The following DLGAP2 variants were observed in gnomAD, a reference collection of about 807,000 sequenced individuals.
DLGAP2 encodes DLG associated protein 2.
Under a neutral mutation model 100.3 loss-of-function variants are expected in DLGAP2, and 26 were observed. The observed-to-expected ratio is 0.26, with a 90% confidence interval of 0.19 to 0.36. The LOEUF is 0.36. Ranked by LOEUF, DLGAP2 falls within the 10% of genes least tolerant of loss-of-function variation. DLGAP2 has a pLI of 1.00. For synonymous variants in DLGAP2, 886 were observed against 630.1 expected (o/e 1.41, Z -6.08); for missense variants, 1,858 against 1,453.2 (o/e 1.28, Z -4.53).
intron 2 of DLGAP2, among the ~76,000 whole-genome samples, chr8:1,149,210 A>G (rs926402011): frequency 6.6e-6 from 1 of 151,986 alleles, no homozygotes; most frequent in South Asian, 2.1e-4. Flanking sequence ...CAGTGGCGCA[A>G]TGTCGGCTCA....
chr8:1,683,054 A>AATG (rs1798999711), intron 12 of DLGAP2, among the ~76,000 whole-genome samples: 1 of 151,660 alleles, frequency 6.6e-6, no homozygotes, highest in Admixed American at 6.6e-5. Flanking sequence ...GATAGACAAA[A>AATG]ATGATGCAAC....
At chr8:870,363 T>G (rs1797574665) in intron 1 of DLGAP2, among the ~76,000 whole-genome samples, 1 of 152,176 alleles carries the variant, frequency 6.6e-6, no homozygotes, top group Admixed American at 6.5e-5. Flanking sequence ...TGACAGCTCT[T>G]AAAACCGGCA....
intron 3 of DLGAP2, among the ~76,000 whole-genome samples, chr8:1,311,703 T>TAA (rs71190721): frequency 2.5e-3 from 360 of 146,786 alleles, no homozygotes; most frequent in South Asian, 6.4e-3. Context: ...CTGTTCATGA[T>TAA]AAAAAAAAAA....
intron 3 of DLGAP2, among the ~76,000 whole-genome samples, chr8:1,476,672 ACCCACC>A (rs1798938843): frequency 1.3e-5 from 2 of 148,938 alleles, no homozygotes; most frequent in Admixed American, 6.7e-5. Context: ...CTGTTGGCCA[ACCCACC>A]AGCCCGTTAT....
rs1001619147 is a variant in DLGAP2 at position 1,009,124 on chromosome 8, G to A, written c.73+101158G>A. ...CCTGGGGACCCTCTTCCATGTGGCC[G>A]AGGGTGGTGTTCCTGCAATGCTTGG... On this transcript the variant is annotated intron_variant, in intron 2 of 14. Coordinates refer to ENST00000637795, the MANE Select transcript of DLGAP2 (RefSeq NM_001346810.2). Among the ~76,000 whole-genome samples, 65 of 152,204 alleles carry A rather than the reference G, an allele frequency of 4.3e-4. 1 individual carries two copies. The highest frequency in any genetic ancestry group is 1.4e-3 in the African/African-American group (60 of 41,436).
intron 2 of DLGAP2, among the ~76,000 whole-genome samples, chr8:912,992 G>A (rs1057103948): frequency 1.3e-5 from 2 of 152,242 alleles, no homozygotes; most frequent in African/African-American, 4.8e-5. Context: ...GTGGCGAGTT[G>A]TTTAGTTGTG....
chr8:1,441,375 G>A (rs920389770), intron 3 of DLGAP2, among the ~76,000 whole-genome samples: 26 of 151,974 alleles, frequency 1.7e-4, no homozygotes, highest in African/African-American at 6.3e-4. Context: ...TTCTGAGAGC[G>A]ATCAACCTAA....
At chr8:1,390,914 C>G (rs988358710) in intron 3 of DLGAP2, among the ~76,000 whole-genome samples, 1 of 152,304 alleles carries the variant, frequency 6.6e-6, no homozygotes, top group East Asian at 1.9e-4. Context: ...CAGGCAGCAA[C>G]CTCAGAAGCC....
At chr8:814,256 G>A (rs1796422914) in intron 1 of DLGAP2, among the ~76,000 whole-genome samples, 2 of 152,198 alleles carry the variant, frequency 1.3e-5, no homozygotes, top group Admixed American at 1.3e-4. Context: ...CTGGCCCCAG[G>A]TTGTGTAGTG....
At chr8:1,602,405 C>T (rs929196917) in intron 6 of DLGAP2, among the ~76,000 whole-genome samples, 1 of 152,186 alleles carries the variant, frequency 6.6e-6, no homozygotes, top group Non-Finnish European at 1.5e-5. Flanking sequence ...CAAAGTTGGG[C>T]ATTATTAAGA....
At chr8:1,460,289 T>C (rs1228857864) in intron 3 of DLGAP2, among the ~76,000 whole-genome samples, 2 of 152,250 alleles carry the variant, frequency 1.3e-5, no homozygotes, top group Admixed American at 6.5e-5. Flanking sequence ...ATCGAACTTG[T>C]GTCTTATGAC....
At chr8:1,272,489 T>C (rs1237067463) in intron 3 of DLGAP2, among the ~76,000 whole-genome samples, 1 of 152,024 alleles carries the variant, frequency 6.6e-6, no homozygotes, top group Non-Finnish European at 1.5e-5. Context: ...ATATTACACA[T>C]AAACGTTTTA....
chr8:1,324,351 A>G (rs974363790), intron 3 of DLGAP2, among the ~76,000 whole-genome samples: 4 of 152,198 alleles, frequency 2.6e-5, no homozygotes, highest in African/African-American at 9.7e-5. Context: ...GACTCAACTT[A>G]GTCCTGAGTT....
chr8:762,213 G>A (rs1417880804), intron 1 of DLGAP2, among the ~76,000 whole-genome samples: 4 of 152,144 alleles, frequency 2.6e-5, no homozygotes, highest in African/African-American at 7.2e-5. Context: ...ATATTCATCC[G>A]TGGGAGAAAA....
At chr8:1,455,119 T>G (rs751912732) in intron 3 of DLGAP2, among the ~76,000 whole-genome samples, 1 of 152,240 alleles carries the variant, frequency 6.6e-6, no homozygotes, top group African/African-American at 2.4e-5. Flanking sequence ...AGCAATGTAA[T>G]GAGCTCATGG....
intron 2 of DLGAP2, chr8:1,104,760 C>A (rs1164509628): frequency 2.6e-5 from 4 of 152,246 alleles, no homozygotes; most frequent in African/African-American, 9.7e-5. Flanking sequence ...TGCTCCTGTG[C>A]CCGAGGCCTG....
At chr8:1,362,110 G>T (rs974211818) in intron 3 of DLGAP2, among the ~76,000 whole-genome samples, 1 of 76 alleles carries the variant, frequency 0.013, no homozygotes, top group Non-Finnish European at 0.022. Flanking sequence ...GGGAGTTAGC[G>T]TACTTCAAAC....
intron 10 of DLGAP2, among the ~76,000 whole-genome samples, chr8:1,670,332 C>T (rs1798659084): frequency 6.6e-6 from 1 of 152,258 alleles, no homozygotes; most frequent in Non-Finnish European, 1.5e-5. Flanking sequence ...CAGGACCCCA[C>T]ACCCCTCCGT....
intron 4 of DLGAP2, among the ~76,000 whole-genome samples, chr8:1,511,048 G>A (rs1800143390): frequency 6.6e-6 from 1 of 152,234 alleles, no homozygotes; most frequent in Non-Finnish European, 1.5e-5. Context: ...GCATCAGTTA[G>A]TTCAGCTTGA....
Sources: gnomAD v4.1 joint callset for allele counts (sites outside exome capture counted in the v4.1 genomes callset) on GRCh38, gnomAD v4.1.1 for gene constraint, MANE v1.5 for transcripts, NCBI Gene and HGNC (gene_info 2026-07-23, HGNC 2026-07-21) for gene names.